The following ATXN2 variants were observed in gnomAD, a reference collection of about 807,000 sequenced individuals.
ATXN2 encodes the protein ataxin 2, also known as ataxin-2.
ATXN2 carries 37 observed loss-of-function variants against 138.6 expected under a neutral mutation model. That is an observed-to-expected ratio of 0.27 (90% CI 0.21 to 0.35). ATXN2 has a LOEUF of 0.35. ATXN2 is among the 10% of genes least tolerant of loss of function. The probability of loss-of-function intolerance (pLI) is 1.00; values close to 1 mark genes in which losing one functional copy is unlikely to be tolerated. For missense variants in ATXN2, 1,216 were observed against 1,480.3 expected (o/e 0.82, Z 2.93); for synonymous variants, 549 against 543.7 (o/e 1.01, Z -0.13).
intron 1 of ATXN2, among the ~76,000 whole-genome samples, chr12:111,578,988 A>G (rs1234336694): frequency 2.6e-5 from 4 of 152,146 alleles, no homozygotes; most frequent in African/African-American, 4.8e-5. Context: ...CAGTCAGACA[A>G]TATCGCACCA....
At chr12:111,595,502 C>T (rs369075649) in intron 1 of ATXN2, among the ~76,000 whole-genome samples, 1 of 151,572 alleles carries the variant, frequency 6.6e-6, no homozygotes, top group Non-Finnish European at 1.5e-5. Flanking sequence ...ATTAGCCAAG[C>T]GTGGTGGAAC....
chr12:111,502,691 A>G (rs1878855669), intron 14 of ATXN2, among the ~76,000 whole-genome samples: 1 of 152,194 alleles, frequency 6.6e-6, no homozygotes, highest in African/African-American at 2.4e-5. Context: ...TCAGCCTCCC[A>G]AAGTGCTGGG....
chr12:111,467,822 A>G (rs1876129666), intron 20 of ATXN2, among the ~76,000 whole-genome samples: 1 of 152,214 alleles, frequency 6.6e-6, no homozygotes. Context: ...CAAACACAGT[A>G]TTTACCCTAT....
chr12:111,585,455 G>A (rs780391214), intron 1 of ATXN2, among the ~76,000 whole-genome samples: 1 of 151,670 alleles, frequency 6.6e-6, no homozygotes, highest in African/African-American at 2.4e-5. Flanking sequence ...AGAGGTTGCA[G>A]TGGGCCAAGA....
In ATXN2 at chr12:111,552,827, G is replaced by A; in HGVS notation, c.420+79C>T. ...ACTGAGAAGTAAAATCATTCAAAGT[G>A]GCTTTAAAAACTAGGTAAAACACTG... On this transcript the variant is annotated intron_variant, in intron 4 of 24. Coordinates refer to ENST00000673436, the MANE Select transcript of ATXN2 (RefSeq NM_001372574.1). The surrounding 1 kb of genome is among the most constrained non-coding windows in gnomAD (Gnocchi z 4.1). 1 of 930,042 alleles carries A rather than the reference G, an allele frequency of 1.1e-6. No homozygotes were observed. Among genetic ancestry groups the A allele is most frequent in the East Asian group, 2.8e-5 (1 of 36,206 alleles). The allele number at this position is 930,042 out of a possible 1,614,324, so 57.6% of individuals were successfully genotyped here.
chr12:111,581,637 A>T, intron 1 of ATXN2: 1 of 767,310 alleles, frequency 1.3e-6, no homozygotes, highest in Non-Finnish European at 2.4e-6. Context: ...TCTAGGGACA[A>T]GAAGATGGTT....
intron 21 of ATXN2, 74 bp from the exon 22 acceptor site, chr12:111,457,433 A>G (rs1875196053): frequency 2.0e-6 from 3 of 1,495,322 alleles, no homozygotes; most frequent in Non-Finnish European, 2.7e-6. Context: ...CACTTCATCA[A>G]CTGAACTTTC....
In ATXN2 at chr12:111,525,269, T is replaced by G; in HGVS notation, c.619A>C (p.Lys207Gln). 6.2e-7 allele frequency: 1 copy of G among 1,613,630 alleles called. No individual in the cohort carries two copies. Among genetic ancestry groups the G allele is most frequent in the Non-Finnish European group, 8.5e-7 (1 of 1,179,922 alleles). ...TCCCAGGGCTCCAGGTCCTTCTCTT[T>G]GTGTTCGCCATTCACTTTAGCACTG... ...AISAKVNGEH[K>Q]EKDLEPWDAG... The change falls in exon 6 of 25, where the codon AAA (lysine) becomes CAA (glutamine). Residue 207 changes from lysine to glutamine, a missense_variant. Around this residue, in one of 4 missense-constraint regions of ATXN2, gnomAD observed 401 missense variants for 528.1 expected, o/e 0.76. Coordinates refer to ENST00000673436, the MANE Select transcript of ATXN2 (RefSeq NM_001372574.1).
chr12:111,541,017 A>G (rs1412672609), intron 5 of ATXN2, among the ~76,000 whole-genome samples: 1 of 150,092 alleles, frequency 6.7e-6, no homozygotes, highest in Non-Finnish European at 1.5e-5. Flanking sequence ...TCTCTTTATA[A>G]TCAAAGGTAT....
intron 14 of ATXN2, among the ~76,000 whole-genome samples, chr12:111,494,996 C>T (rs7137828): frequency 0.68 from 102,636 of 151,974 alleles, 37,613 homozygotes; most frequent in East Asian, 1. Flanking sequence ...TCAAAAGATA[C>T]AGAGTGGCTA....
At chr12:111,599,523 G>C, upstream of ATXN2, 1 of 1,210,924 alleles carries the variant, frequency 8.3e-7, no homozygotes, top group Non-Finnish European at 1.0e-6. Context: ...ATCGGAGGGC[G>C]GGCGCGCCGA....
intron 18 of ATXN2, among the ~76,000 whole-genome samples, chr12:111,484,525 C>T (rs985616908): frequency 2.5e-4 from 38 of 151,078 alleles, no homozygotes; most frequent in Admixed American, 2.3e-3. Context: ...CCCTGCCTCC[C>T]GGGTTCAAGC....
In ATXN2 at chr12:111,555,878, C is replaced by T; in HGVS notation, c.288+5G>A. 6.3e-7 allele frequency: 1 copy of T among 1,596,372 alleles called. No homozygotes were observed. The highest frequency in any genetic ancestry group is 8.5e-7 in the Non-Finnish European group (1 of 1,172,526). On this transcript the variant is annotated splice_donor_5th_base_variant and intron_variant, in intron 2 of 24. Coordinates refer to ENST00000673436, the MANE Select transcript of ATXN2 (RefSeq NM_001372574.1). The stretch of plus-strand genomic sequence containing the variant: ...TCCCCAATAAGTAACATTAAAGTTA[C>T]TCACCGTAGACTGAGGCAGTCCTTT...
At chr12:111,486,960 A>T (rs1877683324) in intron 15 of ATXN2, 136 bp from the exon 16 acceptor site, 1 of 680,034 alleles carries the variant, frequency 1.5e-6, no homozygotes, top group African/African-American at 1.8e-5. Context: ...AATCGTTTTT[A>T]TTGAAACATA....
intron 14 of ATXN2, among the ~76,000 whole-genome samples, chr12:111,489,023 T>C (rs564005434): frequency 1.3e-5 from 2 of 152,310 alleles, no homozygotes; most frequent in South Asian, 4.1e-4. Context: ...TACTGAGTGC[T>C]TACCACATGT....
chr12:111,536,232 G>A (rs1039364848), intron 5 of ATXN2, among the ~76,000 whole-genome samples: 5 of 152,170 alleles, frequency 3.3e-5, no homozygotes, highest in Non-Finnish European at 5.9e-5. Context: ...TTGTTTAGGA[G>A]ATTATAACAA....
intron 18 of ATXN2, among the ~76,000 whole-genome samples, chr12:111,483,131 G>A (rs1877366737): frequency 1.3e-5 from 2 of 150,920 alleles, no homozygotes; most frequent in South Asian, 2.1e-4. Flanking sequence ...AGGCTGCATT[G>A]AGCCATGATA....
At chr12:111,485,235 A>T in intron 18 of ATXN2, 30 bp downstream of exon 18, 11 of 1,588,814 alleles carry the variant, frequency 6.9e-6, no homozygotes, top group Middle Eastern at 1.7e-4. Context: ...CATGCAAACT[A>T]CAAGCAAACA....
At position 111,574,263 on chromosome 12, in the gene ATXN2, G is replaced by A. The variant is rs533998027; in HGVS notation, c.252-18344C>T. Among the ~76,000 whole-genome samples the A allele has an allele frequency of 1.1e-4, 14 of 124,678 alleles. No individual in the cohort carries two copies. In the East Asian group the frequency reaches 2.3e-3, roughly 20 times the overall value. The allele number at this position is 124,678 out of a possible 152,430, so 81.8% of individuals were successfully genotyped here. Reference sequence around the variant, plus strand: ...GCAGAGCTTGTAGTGAGCCAAGATCGCACCACTGCACTCCAGCCTGGGCGA... The same window carrying A: ...GCAGAGCTTGTAGTGAGCCAAGATCACACCACTGCACTCCAGCCTGGGCGA... On this transcript the variant is annotated intron_variant, in intron 1 of 24. Coordinates refer to ENST00000673436, the MANE Select transcript of ATXN2 (RefSeq NM_001372574.1).
Sources: allele counts gnomAD v4.1 joint callset (sites outside exome capture counted in the v4.1 genomes callset), GRCh38; gene constraint gnomAD v4.1.1; regional missense constraint gnomAD v4.1.1; non-coding constraint Gnocchi (gnomAD v3.1); transcripts MANE v1.5; gene names NCBI Gene and HGNC (gene_info 2026-07-23, HGNC 2026-07-21).